KLHL14: variants seen among roughly 807,000 people sequenced by gnomAD.
KLHL14 encodes kelch-like protein 14.
In KLHL14, 22 loss-of-function variants were observed where a neutral mutation model predicts 64.3. The ratio of observed to expected loss-of-function variants is 0.34; its 90% CI spans 0.24 to 0.49. The LOEUF (loss-of-function observed/expected upper bound fraction) is 0.49, where lower values mean the gene tolerates loss of function less well. Ranked by LOEUF, KLHL14 falls within the 20% of genes least tolerant of loss-of-function variation. The pLI is 0.99. For synonymous variants in KLHL14, 322 were observed against 333.4 expected, an observed-to-expected ratio of 0.97 and a Z score of 0.37; for missense variants, 661 against 789.0, an observed-to-expected ratio of 0.84 and a Z score of 1.94.
intron 1 of KLHL14, among the ~76,000 whole-genome samples, chr18:32,771,681 G>T (rs965454572): frequency 6.6e-6 from 1 of 151,876 alleles, no homozygotes; most frequent in African/African-American, 2.4e-5. Flanking sequence ...GGCCGGGAGG[G>T]ATTCGTGTGC....
chr18:32,704,119 C>A (rs2049978985), intron 3 of KLHL14, among the ~76,000 whole-genome samples: 1 of 152,092 alleles, frequency 6.6e-6, no homozygotes, highest in Non-Finnish European at 1.5e-5. Context: ...AGTAGCAGAG[C>A]AACATATATT....
intron 2 of KLHL14, among the ~76,000 whole-genome samples, chr18:32,756,828 G>T (rs143416314): frequency 1.4e-4 from 21 of 152,280 alleles, no homozygotes; most frequent in Admixed American, 3.9e-4. Context: ...TTCTCTACAT[G>T]ACTAGAAGTT....
intron 2 of KLHL14, chr18:32,745,563 A>G (rs2050220145): frequency 6.6e-6 from 1 of 152,248 alleles, no homozygotes; most frequent in Admixed American, 6.5e-5. Context: ...GAATCCGAAT[A>G]AAGAAACCTA....
chr18:32,716,560 A>G (rs992319541), intron 3 of KLHL14, among the ~76,000 whole-genome samples: 2 of 152,078 alleles, frequency 1.3e-5, no homozygotes, highest in Admixed American at 6.5e-5. Context: ...GATTGTAGGC[A>G]CACGCCACCA....
Position 32,741,958 on chromosome 18 carries a change from C to T in KLHL14, c.1039G>A (p.Asp347Asn), listed in dbSNP as rs745322580. Residue 347 changes from aspartate to asparagine, a missense_variant, in exon 3 of 9, where the codon GAT becomes AAT. Physicochemically the swap from Asp to Asn is conservative, Grantham distance 23 (BLOSUM62 1). This residue lies in a region of KLHL14 where 330 missense variants were observed against 450.0 expected (regional missense o/e 0.73). Transcript: ENST00000359358. Reference sequence around the variant, plus strand: ...AGTATTTTCCATGTCTTCTTTTCATCGTCGTAATACTGAACCAAATTGCTG... The same window carrying T: ...AGTATTTTCCATGTCTTCTTTTCATTGTCGTAATACTGAACCAAATTGCTG... ...LPSNLVQYYD[D>N]EKKTWKILTI... is the part of the protein sequence containing the mutation. 11 of 1,607,744 alleles carry T rather than the reference C, an allele frequency of 6.8e-6. No homozygotes were observed. Among genetic ancestry groups the T allele is most frequent in the South Asian group, 3.4e-5 (3 of 89,168 alleles).
intron 3 of KLHL14, among the ~76,000 whole-genome samples, chr18:32,726,561 T>C (rs922968668): frequency 2.6e-5 from 4 of 151,726 alleles, no homozygotes; most frequent in African/African-American, 9.7e-5. Flanking sequence ...GAGGCAGAGG[T>C]TGCAGTGAGC....
chr18:32,686,159 T>C (rs948786863), intron 5 of KLHL14, among the ~76,000 whole-genome samples: 6 of 150,704 alleles, frequency 4.0e-5, no homozygotes, highest in Non-Finnish European at 8.9e-5. Flanking sequence ...TTACAGGCGC[T>C]TGCCACTGTG....
At chr18:32,757,050 C>T (rs2050285930) in intron 2 of KLHL14, among the ~76,000 whole-genome samples, 1 of 152,162 alleles carries the variant, frequency 6.6e-6, no homozygotes, top group Non-Finnish European at 1.5e-5. Flanking sequence ...GCTCAGTCTT[C>T]TTTCTTATGT....
chr18:32,751,505 C>G (rs967466489), intron 2 of KLHL14, among the ~76,000 whole-genome samples: 9 of 152,110 alleles, frequency 5.9e-5, no homozygotes, highest in Non-Finnish European at 1.2e-4. Context: ...CCATTTCACA[C>G]AAGAAACATC....
intron 3 of KLHL14, among the ~76,000 whole-genome samples, chr18:32,707,942 T>C (rs1036959042): frequency 6.6e-6 from 1 of 152,152 alleles, no homozygotes; most frequent in East Asian, 1.9e-4. Context: ...CAGTAGGAGA[T>C]GGAGAAACTT....
chr18:32,694,134 T>C (rs149861496), intron 4 of KLHL14, among the ~76,000 whole-genome samples: 7 of 152,338 alleles, frequency 4.6e-5, no homozygotes, highest in African/African-American at 1.4e-4. Context: ...AGGTCTATTC[T>C]ACCTGCAAAG....
intron 7 of KLHL14, 86 bp from the exon 8 acceptor site, chr18:32,677,416 T>A: frequency 8.2e-7 from 1 of 1,220,908 alleles, no homozygotes; most frequent in Non-Finnish European, 1.1e-6. Flanking sequence ...AAAACAAGTC[T>A]CAAGCCAAAA....
intron 4 of KLHL14, among the ~76,000 whole-genome samples, chr18:32,690,291 G>C (rs1377335975): frequency 6.6e-6 from 1 of 152,152 alleles, no homozygotes; most frequent in Non-Finnish European, 1.5e-5. Flanking sequence ...CCTTTAAAGT[G>C]CTTGGGGTTT....
chr18:32,739,965 C>A (rs2050187547), intron 3 of KLHL14, among the ~76,000 whole-genome samples: 1 of 152,106 alleles, frequency 6.6e-6, no homozygotes, highest in South Asian at 2.1e-4. Flanking sequence ...TGAGTGCATT[C>A]TATGTGCTAG....
At chr18:32,690,530 A>G (rs1432522896) in intron 4 of KLHL14, among the ~76,000 whole-genome samples, 2 of 152,026 alleles carry the variant, frequency 1.3e-5, no homozygotes, top group African/African-American at 4.8e-5. Context: ...GGAGTTCGAG[A>G]CCAGCCTGGC....
chr18:32,696,457 G>A (rs2049937172), intron 3 of KLHL14, among the ~76,000 whole-genome samples: 1 of 152,180 alleles, frequency 6.6e-6, no homozygotes, highest in South Asian at 2.1e-4. Context: ...TACAGCATTA[G>A]TTATCATATC....
intron 3 of KLHL14, chr18:32,740,646 A>G (rs1417980678): frequency 6.6e-6 from 1 of 152,076 alleles, no homozygotes; most frequent in African/African-American, 2.4e-5. Flanking sequence ...TTGGCCACTC[A>G]CTCCGATGTT....
chr18:32,706,742 T>G (rs2049992673), intron 3 of KLHL14, among the ~76,000 whole-genome samples: 1 of 152,138 alleles, frequency 6.6e-6, no homozygotes, highest in African/African-American at 2.4e-5. Flanking sequence ...TAAGTCGTTA[T>G]GGGAATACTG....
intron 2 of KLHL14, among the ~76,000 whole-genome samples, chr18:32,767,175 C>T (rs1324027346): frequency 6.6e-6 from 1 of 152,128 alleles, no homozygotes; most frequent in Non-Finnish European, 1.5e-5. Context: ...CGTTAAATGA[C>T]ACATAAGGCT....
Sources: allele counts gnomAD v4.1 joint callset (sites outside exome capture counted in the v4.1 genomes callset), GRCh38; gene constraint gnomAD v4.1.1; regional missense constraint gnomAD v4.1.1; transcripts MANE v1.5; gene names NCBI Gene and HGNC (gene_info 2026-07-23, HGNC 2026-07-21).